The following SMLR1 variants were observed in gnomAD, a reference collection of about 807,000 sequenced individuals.
SMLR1 encodes small leucine-rich protein 1.
A neutral mutation model predicts 6.1 loss-of-function variants in SMLR1; 3 were observed. The observed-to-expected ratio is 0.49, with a 90% confidence interval of 0.22 to 1.28. The LOEUF is 1.28. SMLR1 is among the 50% of genes most tolerant of loss of function. SMLR1 has a pLI of 0.19. For missense variants in SMLR1, 126 were observed against 124.8 expected (o/e 1.01, Z -0.05); for synonymous variants, 55 against 53.6 (o/e 1.03, Z -0.11).
chr6:130,828,898 C>T (rs1774358469), intron 1 of SMLR1, among the ~76,000 whole-genome samples: 1 of 152,178 alleles, frequency 6.6e-6, no homozygotes, highest in African/African-American at 2.4e-5. Flanking sequence ...TACCACTGAA[C>T]CCCGGAAGTA....
At chr6:130,829,658 C>T (rs1165652552) in intron 1 of SMLR1, among the ~76,000 whole-genome samples, 2 of 152,208 alleles carry the variant, frequency 1.3e-5, no homozygotes, top group Non-Finnish European at 2.9e-5. Context: ...ACAATTGAAA[C>T]TACTTCTGAA....
intron 1 of SMLR1, among the ~76,000 whole-genome samples, chr6:130,834,322 G>A (rs1406598910): frequency 6.6e-6 from 1 of 152,094 alleles, no homozygotes; most frequent in Non-Finnish European, 1.5e-5. Flanking sequence ...ACTAGGGATT[G>A]GAAAATGCCA....
Sources: allele counts gnomAD v4.1 joint callset (sites outside exome capture counted in the v4.1 genomes callset), GRCh38; gene constraint gnomAD v4.1.1; transcripts MANE v1.5; gene names NCBI Gene and HGNC (gene_info 2026-07-23, HGNC 2026-07-21).